TRPC4: variants seen among roughly 807,000 people sequenced by gnomAD.
TRPC4 encodes the protein transient receptor potential cation channel subfamily C member 4, also known as short transient receptor potential channel 4.
A neutral mutation model predicts 99.4 loss-of-function variants in TRPC4; 49 were observed. That is an observed-to-expected ratio of 0.49 (90% CI 0.39 to 0.63). The LOEUF (loss-of-function observed/expected upper bound fraction) is 0.63. Among genes scored for constraint, TRPC4 ranks in the 20% least tolerant of loss-of-function variants. TRPC4 has a pLI of 0.00. For missense variants in TRPC4, 898 were observed against 1,152.9 expected (o/e 0.78, Z 3.20); for synonymous variants, 454 against 425.9 (o/e 1.07, Z -0.81).
chr13:37,656,321 G>A (rs1442997399), intron 6 of TRPC4, among the ~76,000 whole-genome samples: 2 of 152,042 alleles, frequency 1.3e-5, no homozygotes, highest in Non-Finnish European at 2.9e-5. Flanking sequence ...AAAATAAAAT[G>A]AAAACCTTCT....
Position 37,663,595 on chromosome 13 carries a change from T to A in TRPC4, c.1509A>T (p.Gly503=). 1 of 1,614,048 alleles carries A rather than the reference T, an allele frequency of 6.2e-7. No homozygotes were observed. The highest frequency in any genetic ancestry group is 8.5e-7 in the Non-Finnish European group (1 of 1,179,998). ...TTCTTCCCAGAGATATTTGCAGAGGTCCCAGGTGAGAATTTGCAGTAAACA... is the reference window on the plus strand; with the variant it reads ...TTCTTCCCAGAGATATTTGCAGAGGACCCAGGTGAGAATTTGCAGTAAACA... The part of the protein sequence containing the change: ...ISLFTANSHL[G]PLQISLGRML... The change falls in exon 6 of 11, where the codon GGA becomes GGT. Residue 503 remains glycine (G), a synonymous_variant. Transcript: ENST00000379705.
intron 6 of TRPC4, among the ~76,000 whole-genome samples, chr13:37,657,102 T>A (rs909030506): frequency 6.6e-6 from 1 of 152,136 alleles, no homozygotes; most frequent in Non-Finnish European, 1.5e-5. Flanking sequence ...AGGTAAAAAA[T>A]TTCATATTTT....
chr13:37,863,842 A>G (rs1461147218), intron 1 of TRPC4, among the ~76,000 whole-genome samples: 1 of 151,676 alleles, frequency 6.6e-6, no homozygotes, highest in African/African-American at 2.4e-5. Flanking sequence ...TGACAGACCA[A>G]TTCAATCATC....
chr13:37,719,016 T>C (rs1045418713), intron 3 of TRPC4, among the ~76,000 whole-genome samples: 3 of 151,342 alleles, frequency 2.0e-5, no homozygotes, highest in African/African-American at 7.3e-5. Flanking sequence ...GAAAAAAAAA[T>C]CTTAAAAGCA....
At chr13:37,637,669 T>C in intron 10 of TRPC4, 44 bp from the exon 11 acceptor site, 1 of 1,517,480 alleles carries the variant, frequency 6.6e-7, no homozygotes, top group Non-Finnish European at 8.8e-7. Flanking sequence ...GACTTAAACA[T>C]TTGGAAACAT....
intron 1 of TRPC4, among the ~76,000 whole-genome samples, chr13:37,833,715 C>T (rs1301658171): frequency 6.6e-6 from 1 of 152,124 alleles, no homozygotes; most frequent in Non-Finnish European, 1.5e-5. Context: ...TTTAGCTGGA[C>T]TCTTAGGAGA....
In TRPC4 at chr13:37,758,643, T is replaced by C. The variant is rs554612738; in HGVS notation, c.379-12188A>G. Among the ~76,000 whole-genome samples, 21 of 151,852 alleles carry C rather than the reference T, an allele frequency of 1.4e-4. No homozygotes were observed. In the South Asian group the frequency reaches 4.4e-3, roughly 31 times the overall value. ...CATATATTTTGAAAAACTAAGAGACTTCAAGTTTAGAAGTATTAATAAAGC... is the reference window on the plus strand; with the variant it reads ...CATATATTTTGAAAAACTAAGAGACCTCAAGTTTAGAAGTATTAATAAAGC... On this transcript the variant is annotated intron_variant, in intron 2 of 10. Transcript: ENST00000379705.
Position 37,651,468 on chromosome 13 carries a change from G to C in TRPC4, c.1885-9C>G. 1 of 1,612,626 alleles carries C rather than the reference G, an allele frequency of 6.2e-7. No individual in the cohort carries two copies. Among genetic ancestry groups the C allele is most frequent in the Non-Finnish European group, 8.5e-7 (1 of 1,178,842 alleles). On this transcript the variant is annotated splice_polypyrimidine_tract_variant and intron_variant, in intron 7 of 10. Coordinates refer to ENST00000379705, the MANE Select transcript of TRPC4 (RefSeq NM_016179.4). ...TCTATATCTGCATGGTCCTGAACAGGAGAACATGACAACTGATGATAGGTT... is the reference window on the plus strand; with the variant it reads ...TCTATATCTGCATGGTCCTGAACAGCAGAACATGACAACTGATGATAGGTT...
intron 1 of TRPC4, among the ~76,000 whole-genome samples, chr13:37,786,287 AAGACACACACAC>A (rs1956965955): frequency 1.0e-5 from 1 of 98,854 alleles, no homozygotes; most frequent in Non-Finnish European, 2.0e-5. Flanking sequence ...CACAGGGAGA[AAGACACACACAC>A]ACACACACAC....
chr13:37,845,544 A>G (rs1043344250), intron 1 of TRPC4, among the ~76,000 whole-genome samples: 2 of 152,076 alleles, frequency 1.3e-5, no homozygotes, highest in Non-Finnish European at 2.9e-5. Flanking sequence ...TTTCAATAGC[A>G]GACTTGATCA....
At chr13:37,768,784 A>G (rs1246888523) in intron 2 of TRPC4, among the ~76,000 whole-genome samples, 1 of 151,370 alleles carries the variant, frequency 6.6e-6, no homozygotes. Context: ...CAGAAAATAT[A>G]CTGAAGGAGC....
At chr13:37,705,755 A>T (rs993471845) in intron 3 of TRPC4, among the ~76,000 whole-genome samples, 1 of 152,112 alleles carries the variant, frequency 6.6e-6, no homozygotes, top group African/African-American at 2.4e-5. Flanking sequence ...ACTATTTCAT[A>T]GTCCTCAGGA....
intron 3 of TRPC4, among the ~76,000 whole-genome samples, chr13:37,712,132 T>A (rs1307832839): frequency 2.6e-5 from 4 of 152,110 alleles, no homozygotes; most frequent in Non-Finnish European, 5.9e-5. Flanking sequence ...ATGATGGATA[T>A]CTTTAGAAAT....
At chr13:37,715,806 T>C (rs1954642506) in intron 3 of TRPC4, among the ~76,000 whole-genome samples, 1 of 152,176 alleles carries the variant, frequency 6.6e-6, no homozygotes, top group African/African-American at 2.4e-5. Context: ...GTGATCTTGG[T>C]CATTATCCAG....
intron 1 of TRPC4, among the ~76,000 whole-genome samples, chr13:37,852,108 G>T (rs1438567166): frequency 6.6e-6 from 1 of 152,164 alleles, no homozygotes; most frequent in Non-Finnish European, 1.5e-5. Flanking sequence ...CTCAGAACCA[G>T]AGGACTAAGG....
chr13:37,639,033 T>C lies in TRPC4; in HGVS notation c.2211+7A>G. The C allele has an allele frequency of 6.2e-7, 1 of 1,613,256 alleles. No individual in the cohort carries two copies. The highest frequency in any genetic ancestry group is 1.3e-5 in the African/African-American group (1 of 74,980). On this transcript the variant is annotated splice_region_variant and intron_variant, in intron 10 of 10. Coordinates refer to ENST00000379705, the MANE Select transcript of TRPC4 (RefSeq NM_016179.4). The stretch of plus-strand genomic sequence containing the variant: ...CTGCCTCTTGTGATGAAGATGAAAA[T>C]GGTTACCTTAAAGTTCTCTTCGGTC...
chr13:37,689,741 CA>C (rs1316261648), intron 4 of TRPC4, among the ~76,000 whole-genome samples: 1 of 152,140 alleles, frequency 6.6e-6, no homozygotes, highest in African/African-American at 2.4e-5. Context: ...AGCAGGCAGC[CA>C]ATGACTGTTT....
At chr13:37,795,036 T>G (rs1957211503) in intron 1 of TRPC4, among the ~76,000 whole-genome samples, 1 of 152,306 alleles carries the variant, frequency 6.6e-6, no homozygotes, top group African/African-American at 2.4e-5. Flanking sequence ...TGGCTATTTT[T>G]TACTTCTAAA....
chr13:37,690,238 A>G (rs1953636950), intron 4 of TRPC4, among the ~76,000 whole-genome samples: 1 of 152,252 alleles, frequency 6.6e-6, no homozygotes, highest in African/African-American at 2.4e-5. Flanking sequence ...TTTAATACCA[A>G]CTGCAATGTG....
Sources: allele counts gnomAD v4.1 joint callset (sites outside exome capture counted in the v4.1 genomes callset), GRCh38; gene constraint gnomAD v4.1.1; transcripts MANE v1.5; gene names NCBI Gene and HGNC (gene_info 2026-07-23, HGNC 2026-07-21).